Variants in EPHA6 observed in about 807,000 individuals in gnomAD.
EPHA6 encodes ephrin type-A receptor 6.
EPHA6 carries 50 observed loss-of-function variants against 112.0 expected under a neutral mutation model. The ratio of observed to expected loss-of-function variants is 0.45; its 90% CI spans 0.36 to 0.56. The LOEUF (loss-of-function observed/expected upper bound fraction) is 0.56, where lower values mean the gene tolerates loss of function less well. Among genes scored for constraint, EPHA6 ranks in the 20% least tolerant of loss-of-function variants. EPHA6 has a pLI of 0.00. For synonymous variants in EPHA6, 529 were observed against 490.7 expected (o/e 1.08, Z -1.03); for missense variants, 1,280 against 1,417.4 (o/e 0.90, Z 1.56).
chr3:97,187,959 G>T (rs1201587201), intron 3 of EPHA6, among the ~76,000 whole-genome samples: 1 of 152,058 alleles, frequency 6.6e-6, no homozygotes, highest in East Asian at 1.9e-4. Context: ...GACACCATTT[G>T]ACACATATCT....
At chr3:97,444,911 A>G (rs1214273949) in intron 6 of EPHA6, among the ~76,000 whole-genome samples, 7 of 152,058 alleles carry the variant, frequency 4.6e-5, no homozygotes, top group Non-Finnish European at 8.8e-5. Flanking sequence ...GATTCCCAGA[A>G]AAGCCTTGAT....
At chr3:97,050,268 A>T (rs1217117860) in intron 3 of EPHA6, among the ~76,000 whole-genome samples, 1 of 152,162 alleles carries the variant, frequency 6.6e-6, no homozygotes, top group Non-Finnish European at 1.5e-5. Flanking sequence ...CTGGATACAC[A>T]GCAAATTGTG....
At chr3:97,581,045 T>A (rs1036935680) in intron 11 of EPHA6, among the ~76,000 whole-genome samples, 4 of 152,242 alleles carry the variant, frequency 2.6e-5, no homozygotes, top group Non-Finnish European at 5.9e-5. Flanking sequence ...CCTAGCTATG[T>A]GCCTCCCTTG....
At chr3:97,527,218 G>GTAAC (rs1012801308) in intron 10 of EPHA6, among the ~76,000 whole-genome samples, 13 of 152,118 alleles carry the variant, frequency 8.5e-5, no homozygotes, top group Admixed American at 6.6e-5. Flanking sequence ...AAACGGAGCT[G>GTAAC]TAACTAAACC....
At chr3:96,837,232 A>G (rs1234697326) in intron 1 of EPHA6, among the ~76,000 whole-genome samples, 2 of 152,148 alleles carry the variant, frequency 1.3e-5, no homozygotes, top group Non-Finnish European at 2.9e-5. Flanking sequence ...ACGAGCACAG[A>G]GTACAGAAAT....
chr3:97,080,211 T>A (rs905327623), intron 3 of EPHA6, among the ~76,000 whole-genome samples: 4 of 152,106 alleles, frequency 2.6e-5, no homozygotes, highest in African/African-American at 9.7e-5. Flanking sequence ...AATGTAACCT[T>A]CCCAGACCTG....
At chr3:97,734,601 A>G (rs1392256644) in intron 15 of EPHA6, among the ~76,000 whole-genome samples, 2 of 152,094 alleles carry the variant, frequency 1.3e-5, no homozygotes, top group Non-Finnish European at 2.9e-5. Context: ...GTTCGTGAAG[A>G]CATATTCTTC....
intron 15 of EPHA6, among the ~76,000 whole-genome samples, chr3:97,727,428 T>C (rs2107817927): frequency 6.6e-6 from 1 of 152,190 alleles, no homozygotes. Flanking sequence ...GTCCTCATAA[T>C]TCTATAACCT....
At chr3:97,027,832 A>T (rs1310498956) in intron 3 of EPHA6, among the ~76,000 whole-genome samples, 1 of 152,172 alleles carries the variant, frequency 6.6e-6, no homozygotes, top group African/African-American at 2.4e-5. Flanking sequence ...GTTGGAGTAA[A>T]TTATCTTACT....
chr3:97,348,427 C>T lies in EPHA6; in HGVS notation c.1607-56723C>T, dbSNP rs552964620. Among the ~76,000 whole-genome samples, 8 of 151,882 alleles carry T rather than the reference C, an allele frequency of 5.3e-5. No individual in the cohort carries two copies. The East Asian group carries it at 1.2e-3, about 22-fold the overall frequency. ...AGTATCAGATCTATATAGATTTAAT[C>T]TTACTTCCTTCCAAGTTATTTTAAA... is the stretch of plus-strand genomic sequence containing the variant. On this transcript the variant is annotated intron_variant, in intron 5 of 17. Coordinates refer to ENST00000389672, the MANE Select transcript of EPHA6 (RefSeq NM_001080448.3).
chr3:97,125,450 A>G, intron 3 of EPHA6, among the ~76,000 whole-genome samples: 1 of 152,288 alleles, frequency 6.6e-6, no homozygotes, highest in South Asian at 2.1e-4. Context: ...AAAATTTAAG[A>G]TCACATCTGT....
At chr3:97,603,796 A>G (rs577552435) in intron 12 of EPHA6, among the ~76,000 whole-genome samples, 38 of 152,066 alleles carry the variant, frequency 2.5e-4, no homozygotes, top group Middle Eastern at 3.4e-3. Flanking sequence ...AAGAGAAACC[A>G]TCTTGTTCAT....
chr3:97,114,918 A>G (rs1406996512), intron 3 of EPHA6, among the ~76,000 whole-genome samples: 1 of 152,054 alleles, frequency 6.6e-6, no homozygotes, highest in African/African-American at 2.4e-5. Flanking sequence ...TAAAAACAGA[A>G]CTAACTCTTA....
At chr3:97,082,432 C>T (rs114634708) in intron 3 of EPHA6, among the ~76,000 whole-genome samples, 1,924 of 151,718 alleles carry the variant, frequency 0.013, 24 homozygotes, top group African/African-American at 0.037. Context: ...GATAATTTTT[C>T]GTAAATATCT....
intron 2 of EPHA6, among the ~76,000 whole-genome samples, chr3:96,893,369 C>T (rs2038087895): frequency 2.0e-5 from 3 of 152,098 alleles, no homozygotes; most frequent in Admixed American, 2.0e-4. Flanking sequence ...TATTGTGTCT[C>T]TTGATTACAT....
intron 9 of EPHA6, 96 bp downstream of exon 9, chr3:97,479,460 A>G (rs1469309912): frequency 9.0e-6 from 7 of 775,266 alleles, no homozygotes; most frequent in Non-Finnish European, 7.6e-6. Context: ...AAAAAAAGAA[A>G]AAAAAAATCA....
chr3:97,324,888 G>T (rs2082346624), intron 5 of EPHA6, among the ~76,000 whole-genome samples: 1 of 152,052 alleles, frequency 6.6e-6, no homozygotes. Context: ...TTACACTGAT[G>T]TGTAAATGTC....
chr3:97,158,921 T>C (rs1365039734), intron 3 of EPHA6, among the ~76,000 whole-genome samples: 1 of 152,100 alleles, frequency 6.6e-6, no homozygotes, highest in Non-Finnish European at 1.5e-5. Flanking sequence ...GGCGTGTAGC[T>C]TTTTATGTTG....
intron 3 of EPHA6, among the ~76,000 whole-genome samples, chr3:97,173,220 A>T (rs1013977205): frequency 1.3e-5 from 2 of 151,922 alleles, no homozygotes; most frequent in African/African-American, 4.8e-5. Flanking sequence ...ATTAAAGCTT[A>T]AATGTCAAGT....
Sources: gnomAD v4.1 joint callset for allele counts (sites outside exome capture counted in the v4.1 genomes callset) on GRCh38, gnomAD v4.1.1 for gene constraint, MANE v1.5 for transcripts, NCBI Gene and HGNC (gene_info 2026-07-23, HGNC 2026-07-21) for gene names.